The following EPHA3 variants were observed in gnomAD, a reference collection of about 807,000 sequenced individuals.
EPHA3 encodes ephrin type-A receptor 3.
In EPHA3, 42 loss-of-function variants were observed where a neutral mutation model predicts 107.1. The ratio of observed to expected loss-of-function variants is 0.39; its 90% CI spans 0.31 to 0.51. The LOEUF is 0.51. Among genes scored for constraint, EPHA3 ranks in the 20% least tolerant of loss-of-function variants. The pLI, the probability that EPHA3 is intolerant of heterozygous loss-of-function variation, is 0.78. For missense variants in EPHA3, 1,183 were observed against 1,211.2 expected, an observed-to-expected ratio of 0.98 and a Z score of 0.35; for synonymous variants, 461 against 424.8, an observed-to-expected ratio of 1.09 and a Z score of -1.05.
chr3:89,286,426 G>A (rs866276586), intron 3 of EPHA3, among the ~76,000 whole-genome samples: 1 of 151,960 alleles, frequency 6.6e-6, no homozygotes, highest in African/African-American at 2.4e-5. Flanking sequence ...GGAATTAAAC[G>A]GTACATTGGC....
intron 13 of EPHA3, among the ~76,000 whole-genome samples, chr3:89,448,088 C>T (rs559375193): frequency 1.3e-5 from 2 of 152,080 alleles, no homozygotes; most frequent in South Asian, 2.1e-4. Context: ...CATAAGTGCC[C>T]TCCTCAGTCT....
At chr3:89,320,947 G>A (rs1283563816) in intron 3 of EPHA3, among the ~76,000 whole-genome samples, 1 of 151,982 alleles carries the variant, frequency 6.6e-6, no homozygotes, top group African/African-American at 2.4e-5. Context: ...TCACTCCTGT[G>A]TGTATAGTAG....
intron 2 of EPHA3, among the ~76,000 whole-genome samples, chr3:89,152,487 TCAGGACCTAAAAC>T (rs1436746575): frequency 2.0e-5 from 3 of 152,084 alleles, no homozygotes; most frequent in African/African-American, 7.2e-5. Context: ...TGAGTAATTC[TCAGGACCTAAAAC>T]GTTCATACTG....
At chr3:89,304,772 CTCCCTTTTCCTGTTT>C (rs1427257336) in intron 3 of EPHA3, among the ~76,000 whole-genome samples, 2 of 152,124 alleles carry the variant, frequency 1.3e-5, no homozygotes, top group African/African-American at 2.4e-5. Context: ...CTTTTCCTCT[CTCCCTTTTCCTGTTT>C]TCTGCTCACT....
chr3:89,149,484 C>A (rs1423833043), intron 2 of EPHA3, among the ~76,000 whole-genome samples: 6 of 151,778 alleles, frequency 4.0e-5, no homozygotes, highest in Non-Finnish European at 8.8e-5. Context: ...ATAGAATAAT[C>A]TTTTTTTATT....
At chr3:89,472,771 C>T (rs889830227) in intron 16 of EPHA3, 152 bp downstream of exon 16, 221 of 831,796 alleles carry the variant, frequency 2.7e-4, no homozygotes, top group Non-Finnish European at 3.9e-4. Flanking sequence ...CTAATCAGGG[C>T]CCTGGGTCTC....
At chr3:89,190,806 C>T (rs1705695463) in intron 2 of EPHA3, among the ~76,000 whole-genome samples, 1 of 152,162 alleles carries the variant, frequency 6.6e-6, no homozygotes, top group African/African-American at 2.4e-5. Context: ...TCTCGTGTCT[C>T]TTCACATTGT....
At chr3:89,344,590 AT>A (rs1707600302) in intron 5 of EPHA3, among the ~76,000 whole-genome samples, 1 of 151,984 alleles carries the variant, frequency 6.6e-6, no homozygotes, top group South Asian at 2.1e-4. Context: ...GTTTTCCTTT[AT>A]TTTTGTTCTT....
chr3:89,128,039 G>A (rs373656316), intron 2 of EPHA3, among the ~76,000 whole-genome samples: 31 of 152,134 alleles, frequency 2.0e-4, no homozygotes, highest in Non-Finnish European at 3.8e-4. Context: ...TTGTTTCTAA[G>A]TATAGTTTGT....
intron 2 of EPHA3, among the ~76,000 whole-genome samples, chr3:89,197,310 A>AAAT (rs1705858222): frequency 6.6e-6 from 1 of 152,134 alleles, no homozygotes; most frequent in African/African-American, 2.4e-5. Flanking sequence ...ATTATCTATT[A>AAAT]AGCCACTAAG....
At chr3:89,168,308 G>A (rs1334138045) in intron 2 of EPHA3, among the ~76,000 whole-genome samples, 5 of 152,096 alleles carry the variant, frequency 3.3e-5, no homozygotes, top group Non-Finnish European at 7.4e-5. Context: ...GATCTTGATA[G>A]GAAGCAGATA....
intron 3 of EPHA3, among the ~76,000 whole-genome samples, chr3:89,230,293 T>A (rs529512662): frequency 6.6e-6 from 1 of 152,222 alleles, no homozygotes; most frequent in East Asian, 1.9e-4. Flanking sequence ...GAGGAGTTTT[T>A]GCCTAGGTGT....
chr3:89,285,887 G>C (rs1388736519), intron 3 of EPHA3, among the ~76,000 whole-genome samples: 1 of 152,058 alleles, frequency 6.6e-6, no homozygotes, highest in Non-Finnish European at 1.5e-5. Context: ...GCTAAGTGTG[G>C]GGAATTAAGG....
At chr3:89,447,644 C>T (rs1039828839) in intron 13 of EPHA3, among the ~76,000 whole-genome samples, 18 of 152,156 alleles carry the variant, frequency 1.2e-4, no homozygotes, top group African/African-American at 4.3e-4. Context: ...CAGTTTTCTC[C>T]TCTGTGCTTT....
In EPHA3 at chr3:89,150,737, G is replaced by A. The variant is rs181953159; in HGVS notation, c.153+23464G>A. ...TTACGTCATATATCACCAAAATGACGGACTGTTTCAAGTAGACCAGAATAT... is the reference window on the plus strand; with the variant it reads ...TTACGTCATATATCACCAAAATGACAGACTGTTTCAAGTAGACCAGAATAT... On this transcript the variant is annotated intron_variant, in intron 2 of 16. Coordinates refer to ENST00000336596, the MANE Select transcript of EPHA3 (RefSeq NM_005233.6). 1.1e-3 allele frequency among the ~76,000 whole-genome samples: 165 copies of A among 152,100 alleles called. 1 individual carries two copies. Among genetic ancestry groups the A allele is most frequent in the Middle Eastern group, 6.8e-3 (2 of 292 alleles).
Position 89,453,728 on chromosome 3 carries a change from C to G in EPHA3, c.2690+3358C>G, listed in dbSNP as rs74988154. Reference sequence around the variant, plus strand: ...TACTTTTGACAATGATTATTTCATCCTTTTCATAACTGATTAAAATGACCT... The same window carrying G: ...TACTTTTGACAATGATTATTTCATCGTTTTCATAACTGATTAAAATGACCT... On this transcript the variant is annotated intron_variant, in intron 15 of 16. Coordinates refer to ENST00000336596, the MANE Select transcript of EPHA3 (RefSeq NM_005233.6). Among the ~76,000 whole-genome samples, 182 of 152,174 alleles carry G rather than the reference C, an allele frequency of 1.2e-3. 1 individual carries two copies. Among genetic ancestry groups the G allele is most frequent in the African/African-American group, 4.3e-3 (177 of 41,524 alleles).
rs2107553326 is a variant in EPHA3 at position 89,449,265 on chromosome 3, T to G, written c.2387T>G (p.Ile796Arg). Residue 796 changes from isoleucine (I) to arginine (R), a missense_variant, in exon 14 of 17, where the codon ATA (isoleucine) becomes AGA (arginine). Transcript: ENST00000336596. ...ATCAGGTGGACATCACCAGAAGCTA[T>G]AGCCTACCGCAAGTTCACGTCAGCC... ...IPIRWTSPEA[I>R]AYRKFTSASD... 1 of 1,612,006 alleles carries G rather than the reference T, an allele frequency of 6.2e-7. No individual in the cohort carries two copies. The highest frequency in any genetic ancestry group is 8.5e-7 in the Non-Finnish European group (1 of 1,178,564).
chr3:89,303,973 TAC>T (rs1458618346), intron 3 of EPHA3, among the ~76,000 whole-genome samples: 1 of 152,162 alleles, frequency 6.6e-6, no homozygotes, highest in East Asian at 1.9e-4. Flanking sequence ...GAACCAGACT[TAC>T]TTTTCTTTTC....
intron 1 of EPHA3, among the ~76,000 whole-genome samples, chr3:89,120,066 C>T (rs934465891): frequency 2.6e-5 from 4 of 152,030 alleles, no homozygotes; most frequent in African/African-American, 9.7e-5. Flanking sequence ...TTTTAAATAC[C>T]AAGATAGACT....
Sources: gnomAD v4.1 joint callset for allele counts (sites outside exome capture counted in the v4.1 genomes callset) on GRCh38, gnomAD v4.1.1 for gene constraint, MANE v1.5 for transcripts, NCBI Gene and HGNC (gene_info 2026-07-23, HGNC 2026-07-21) for gene names.